The following RIMS2 variants were observed in gnomAD, a reference collection of about 807,000 sequenced individuals.
RIMS2 encodes regulating synaptic membrane exocytosis protein 2.
Under a neutral mutation model 174.4 loss-of-function variants are expected in RIMS2, and 59 were observed. The ratio of observed to expected loss-of-function variants is 0.34; its 90% CI spans 0.27 to 0.42. The LOEUF (loss-of-function observed/expected upper bound fraction) is 0.42, where lower values mean the gene tolerates loss of function less well. RIMS2 is among the 10% of genes least tolerant of loss of function. The pLI, the probability that RIMS2 is intolerant of heterozygous loss-of-function variation, is 1.00. For synonymous variants in RIMS2, 606 were observed against 572.5 expected (o/e 1.06, Z -0.84); for missense variants, 1,620 against 1,666.3 (o/e 0.97, Z 0.48).
At chr8:103,504,846 C>CTTTTTTTTTT (rs11367763) in intron 1 of RIMS2, among the ~76,000 whole-genome samples, 2 of 95,094 alleles carry the variant, frequency 2.1e-5, no homozygotes, top group Non-Finnish European at 3.9e-5. Context: ...TTCTTTCTTT[C>CTTTTTTTTTT]TTTTTTTTTT....
At chr8:103,941,680 T>G (rs1453030630) in intron 13 of RIMS2, among the ~76,000 whole-genome samples, 3 of 152,164 alleles carry the variant, frequency 2.0e-5, no homozygotes, top group Non-Finnish European at 4.4e-5. Context: ...TTAAAAATAT[T>G]CCTATTATAA....
chr8:104,124,800 G>C (rs2098415137), intron 19 of RIMS2, among the ~76,000 whole-genome samples: 1 of 152,174 alleles, frequency 6.6e-6, no homozygotes, highest in Non-Finnish European at 1.5e-5. Flanking sequence ...TGCCAAAAGA[G>C]AAGCAGACCT....
chr8:104,211,567 ATT>A (rs10699798), intron 19 of RIMS2, among the ~76,000 whole-genome samples: 1 of 141,772 alleles, frequency 7.1e-6, no homozygotes, highest in Non-Finnish European at 1.6e-5. Flanking sequence ...CCAATGTGGA[ATT>A]TTTTTTTTTT....
At chr8:103,908,550 A>G (rs954749597) in intron 4 of RIMS2, among the ~76,000 whole-genome samples, 3 of 152,188 alleles carry the variant, frequency 2.0e-5, no homozygotes, top group Non-Finnish European at 4.4e-5. Flanking sequence ...CCCTAACAAG[A>G]AGTGCTCTTC....
intron 19 of RIMS2, among the ~76,000 whole-genome samples, chr8:104,106,102 A>C (rs941234463): frequency 1.3e-5 from 2 of 151,316 alleles, no homozygotes; most frequent in Non-Finnish European, 2.9e-5. Flanking sequence ...AAGAAATGAA[A>C]AAATTTAAGT....
intron 19 of RIMS2, among the ~76,000 whole-genome samples, chr8:104,070,974 G>A (rs1318020681): frequency 9.9e-5 from 15 of 152,080 alleles, no homozygotes; most frequent in Admixed American, 9.8e-4. Flanking sequence ...CCCATTACAT[G>A]TGGGCTATAT....
intron 19 of RIMS2, among the ~76,000 whole-genome samples, chr8:104,180,866 C>T (rs180799212): frequency 2.3e-4 from 35 of 151,828 alleles, no homozygotes; most frequent in South Asian, 1.0e-3. Flanking sequence ...TTATTAAGGG[C>T]TTTTATGCCT....
chr8:103,783,958 T>C lies in RIMS2; in HGVS notation c.698+17421T>C, dbSNP rs1592259122. 3.3e-5 allele frequency among the ~76,000 whole-genome samples: 5 copies of C among 152,100 alleles called. No homozygotes were observed. The South Asian group carries it at 1.0e-3, about 32-fold the overall frequency. ...TTTCCTGACTTTTTAATGATTGCCA[T>C]TCTAACTGGTGTGAGATGGTATCTC... On this transcript the variant is annotated intron_variant, in intron 3 of 23. Coordinates refer to ENST00000504942, the Ensembl canonical transcript of RIMS2.
intron 19 of RIMS2, among the ~76,000 whole-genome samples, chr8:104,115,366 G>C (rs1422309992): frequency 6.6e-6 from 1 of 151,870 alleles, no homozygotes; most frequent in African/African-American, 2.4e-5. Flanking sequence ...GCAGTAAAAC[G>C]ATCTTTGAAA....
At chr8:103,583,444 A>T (rs1170619405) in intron 1 of RIMS2, among the ~76,000 whole-genome samples, 4 of 152,206 alleles carry the variant, frequency 2.6e-5, no homozygotes, top group Non-Finnish European at 1.5e-5. Context: ...TGAACTAAAT[A>T]AGGCATCAGG....
intron 1 of RIMS2, among the ~76,000 whole-genome samples, chr8:103,650,564 C>T (rs559910709): frequency 3.3e-5 from 5 of 152,318 alleles, no homozygotes; most frequent in African/African-American, 1.2e-4. Context: ...GGAGCTTCAT[C>T]CCTGAGAAAG....
intron 19 of RIMS2, chr8:104,068,558 A>T: frequency 6.4e-7 from 1 of 1,574,208 alleles, no homozygotes; most frequent in Non-Finnish European, 8.6e-7. Flanking sequence ...AAATTAACAA[A>T]TACAAACAGG....
At chr8:103,896,825 C>A (rs1280918969) in intron 4 of RIMS2, among the ~76,000 whole-genome samples, 3 of 151,558 alleles carry the variant, frequency 2.0e-5, no homozygotes, top group Non-Finnish European at 4.4e-5. Context: ...ATAAGGACTT[C>A]TTATATGATG....
chr8:104,238,761 A>G (rs1337789021), intron 19 of RIMS2, among the ~76,000 whole-genome samples: 1 of 152,212 alleles, frequency 6.6e-6, no homozygotes, highest in African/African-American at 2.4e-5. Context: ...CTGTGAGTCA[A>G]TAATTTTAGA....
At chr8:104,126,521 G>T (rs1023556846) in intron 19 of RIMS2, among the ~76,000 whole-genome samples, 3 of 152,166 alleles carry the variant, frequency 2.0e-5, no homozygotes, top group African/African-American at 4.8e-5. Context: ...CTAGAACCAG[G>T]TTAAATTGGC....
At chr8:103,893,686 TTA>T (rs2099260804) in intron 4 of RIMS2, among the ~76,000 whole-genome samples, 1 of 152,114 alleles carries the variant, frequency 6.6e-6, no homozygotes. Context: ...AAATTTTAGT[TTA>T]TGTAAACTAA....
At chr8:103,612,313 G>A (rs1408977351) in intron 1 of RIMS2, among the ~76,000 whole-genome samples, 1 of 152,066 alleles carries the variant, frequency 6.6e-6, no homozygotes, top group Non-Finnish European at 1.5e-5. Context: ...TGTTTGGTGA[G>A]GTTATGTTTT....
At chr8:103,707,449 T>C (rs893034473) in intron 2 of RIMS2, among the ~76,000 whole-genome samples, 3 of 152,212 alleles carry the variant, frequency 2.0e-5, no homozygotes, top group Non-Finnish European at 4.4e-5. Flanking sequence ...ACTGAGTATT[T>C]ACTTAAGCCT....
intron 4 of RIMS2, among the ~76,000 whole-genome samples, chr8:103,896,297 A>T (rs188958277): frequency 1.3e-5 from 2 of 151,784 alleles, no homozygotes; most frequent in East Asian, 1.9e-4. Flanking sequence ...GTAGCAAAAA[A>T]GCTGCTGGTT....
Sources: allele counts gnomAD v4.1 joint callset (sites outside exome capture counted in the v4.1 genomes callset), GRCh38; gene constraint gnomAD v4.1.1; transcripts MANE v1.5; gene names NCBI Gene and HGNC (gene_info 2026-07-23, HGNC 2026-07-21).